SH3BGRL: variants seen among roughly 807,000 people sequenced by gnomAD.
SH3BGRL encodes the protein adapter SH3BGRL.
Under a neutral mutation model 9.8 loss-of-function variants are expected in SH3BGRL, and 7 were observed. That is an observed-to-expected ratio of 0.72 (90% CI 0.41 to 1.35). The LOEUF (loss-of-function observed/expected upper bound fraction) is 1.35. SH3BGRL is among the 40% of genes most tolerant of loss of function. SH3BGRL has a pLI of 0.01. For synonymous variants in SH3BGRL, 36 were observed against 29.1 expected (o/e 1.24, Z -0.76); for missense variants, 73 against 84.4 (o/e 0.86, Z 0.53).
At chrX:81,232,586 T>A (rs2075636143) in intron 1 of SH3BGRL, among the ~76,000 whole-genome samples, 1 of 110,903 alleles carries the variant, frequency 9.0e-6, no homozygotes, top group African/African-American at 3.3e-5. Context: ...TGCTCTCCTT[T>A]CTCATGCCTT....
intron 3 of SH3BGRL, among the ~76,000 whole-genome samples, chrX:81,291,600 ATCTCT>A (rs1294620218): frequency 2.7e-5 from 3 of 111,827 alleles, no homozygotes; most frequent in African/African-American, 9.8e-5. Context: ...AAATACTGTC[ATCTCT>A]TCTCAACAGT....
At chrX:81,231,849 A>G (rs907126830) in intron 1 of SH3BGRL, among the ~76,000 whole-genome samples, 4 of 112,247 alleles carry the variant, frequency 3.6e-5, no homozygotes, top group Non-Finnish European at 5.6e-5. Context: ...TATCAAATGA[A>G]ATTAATAAAA....
chrX:81,216,475 T>G (rs1377710566), intron 1 of SH3BGRL, among the ~76,000 whole-genome samples: 1 of 110,992 alleles, frequency 9.0e-6, no homozygotes, highest in African/African-American at 3.3e-5. Flanking sequence ...TTTTAAAATG[T>G]ATAATAAATT....
chrX:81,297,253 C>T lies in SH3BGRL; in HGVS notation c.*26C>T. On this transcript the variant is annotated 3_prime_UTR_variant, in exon 4 of 4. Transcript: ENST00000373212. ...ACCTTAAGCACTGTGCTTTAAGCAT[C>T]CTGAAAAATGAGTCTCCATTGCTTT... The T allele has an allele frequency of 3.4e-6, 4 of 1,163,229 alleles. No individual in the cohort carries two copies. Among genetic ancestry groups the T allele is most frequent in the Non-Finnish European group, 3.5e-6 (3 of 856,688 alleles).
chrX:81,275,335 G>C (rs1306484667), intron 1 of SH3BGRL, among the ~76,000 whole-genome samples: 1 of 111,281 alleles, frequency 9.0e-6, no homozygotes, highest in Non-Finnish European at 1.9e-5. Context: ...CTGGGCTCAA[G>C]CAATCCTCCT....
rs185976338 is a variant in SH3BGRL at position 81,229,427 on chromosome X, C to A, written c.45+27182C>A. On this transcript the variant is annotated intron_variant, in intron 1 of 3. Transcript: ENST00000373212. ...CACAAGGACAGAGTGCTTTCTGTAT[C>A]CTGGGGTTTCTTGCCTTGGTGTACC... Among the ~76,000 whole-genome samples the A allele has an allele frequency of 1.4e-4, 16 of 111,844 alleles. No individual in the cohort carries two copies. In the East Asian group the frequency reaches 4.5e-3, roughly 32 times the overall value.
chrX:81,247,069 G>T (rs901715606), intron 1 of SH3BGRL, among the ~76,000 whole-genome samples: 1 of 111,512 alleles, frequency 9.0e-6, no homozygotes, highest in Non-Finnish European at 1.9e-5. Flanking sequence ...ATTCTTTTGT[G>T]CCTATTGTAA....
At chrX:81,278,450 A>G (rs201330235) in intron 3 of SH3BGRL, 39 bp downstream of exon 3, 3 of 863,132 alleles carry the variant, frequency 3.5e-6, no homozygotes, top group Non-Finnish European at 5.0e-6. Context: ...AGGTCATTTT[A>G]TTGCTGCTGA....
At chrX:81,237,782 C>T (rs1359841462) in intron 1 of SH3BGRL, among the ~76,000 whole-genome samples, 1 of 107,570 alleles carries the variant, frequency 9.3e-6, no homozygotes, top group African/African-American at 3.4e-5. Context: ...GCTGTCATCA[C>T]CCCTCCTTTA....
At chrX:81,273,621 A>G in intron 1 of SH3BGRL, among the ~76,000 whole-genome samples, 1 of 107,754 alleles carries the variant, frequency 9.3e-6, no homozygotes, top group Non-Finnish European at 1.9e-5. Flanking sequence ...ATCATTAAAA[A>G]AGGCAAAATT....
At position 81,204,177 on chromosome X, in the gene SH3BGRL, A is replaced by C. The variant is rs771329720; in HGVS notation, c.45+1932A>C. On this transcript the variant is annotated intron_variant, in intron 1 of 3. Transcript: ENST00000373212. ...TTTTGTCATGAGTAGTTAGAAATTT[A>C]TTAGAAATTTATCTACTGTAGTAAT... 2.7e-5 allele frequency among the ~76,000 whole-genome samples: 3 copies of C among 112,305 alleles called. No homozygotes were observed. The Admixed American group carries it at 2.8e-4, about 11-fold the overall frequency.
At position 81,280,271 on chromosome X, in the gene SH3BGRL, A is replaced by C. The variant is rs758874370; in HGVS notation, c.312+1860A>C. Among the ~76,000 whole-genome samples, 13 of 110,767 alleles carry C rather than the reference A, an allele frequency of 1.2e-4. No individual in the cohort carries two copies. In the East Asian group the frequency reaches 3.4e-3, roughly 29 times the overall value. The stretch of plus-strand genomic sequence containing the variant: ...TGGTAGTGGAAGACAAAGAGCATAT[A>C]ATCTTGGAAGTTCTAGGGCCCTGCC... On this transcript the variant is annotated intron_variant, in intron 3 of 3. Coordinates refer to ENST00000373212, the MANE Select transcript of SH3BGRL (RefSeq NM_003022.3).
intron 3 of SH3BGRL, among the ~76,000 whole-genome samples, chrX:81,293,638 G>T (rs776733330): frequency 8.9e-6 from 1 of 112,161 alleles, no homozygotes; most frequent in Non-Finnish European, 1.9e-5. Flanking sequence ...AGCTGAGATT[G>T]CACCACGGCA....
At chrX:81,236,900 G>GGA (rs3051997) in intron 1 of SH3BGRL, among the ~76,000 whole-genome samples, 4,964 of 97,289 alleles carry the variant, frequency 0.051, 145 homozygotes, top group Middle Eastern at 0.074. Flanking sequence ...AGAGGCTGAG[G>GGA]GAGAGAGAGA....
rs1023534216 is a variant in SH3BGRL, at chrX:81,202,229, C to G, written c.29C>G (p.Ser10Cys). The G allele has an allele frequency of 1.7e-6, 2 of 1,206,287 alleles. No individual in the cohort carries two copies. The highest frequency in any genetic ancestry group is 2.2e-6 in the Non-Finnish European group (2 of 893,309). The change falls in exon 1 of 4, where the codon TCC (serine) becomes TGC (cysteine). Residue 10 changes from serine (S) to cysteine (C), a missense_variant. Coordinates refer to ENST00000373212, the MANE Select transcript of SH3BGRL (RefSeq NM_003022.3). MVIRVYIAS[S>C]SGSTAIKKKQ... ...GTGATCCGTGTATATATTGCATCTTCCTCTGGCTCTACAGCGGTAAGGAGA... is the reference window on the plus strand; with the variant it reads ...GTGATCCGTGTATATATTGCATCTTGCTCTGGCTCTACAGCGGTAAGGAGA...
At chrX:81,202,358 A>C in intron 1 of SH3BGRL, 113 bp downstream of exon 1, 1 of 984,630 alleles carries the variant, frequency 1.0e-6, no homozygotes, top group South Asian at 3.3e-5. Context: ...TGGAAGACTC[A>C]TGCATCCCCG....
At chrX:81,233,509 T>C (rs761050918) in intron 1 of SH3BGRL, among the ~76,000 whole-genome samples, 4 of 111,819 alleles carry the variant, frequency 3.6e-5, no homozygotes, top group Admixed American at 2.9e-4. Flanking sequence ...CAAGGTTATA[T>C]AGCCAATAAC....
intron 1 of SH3BGRL, among the ~76,000 whole-genome samples, chrX:81,251,420 T>G (rs980909328): frequency 3.8e-5 from 4 of 104,423 alleles, no homozygotes; most frequent in South Asian, 3.9e-4. Context: ...CAAATTACTG[T>G]TTTTTTTTTA....
chrX:81,245,309 C>T (rs1639430578), intron 1 of SH3BGRL, among the ~76,000 whole-genome samples: 1 of 111,699 alleles, frequency 9.0e-6, no homozygotes, highest in South Asian at 3.7e-4. Flanking sequence ...AGATGTGAGA[C>T]CTGCCCTTGA....
Sources: allele counts gnomAD v4.1 joint callset (sites outside exome capture counted in the v4.1 genomes callset), GRCh38; gene constraint gnomAD v4.1.1; transcripts MANE v1.5; gene names NCBI Gene and HGNC (gene_info 2026-07-23, HGNC 2026-07-21).